CHD8: variants seen among roughly 807,000 people sequenced by gnomAD.
The protein encoded by CHD8 is ATP-dependent chromatin remodeler CHD8.
CHD8 carries 31 observed loss-of-function variants against 279.2 expected under a neutral mutation model. That is an observed-to-expected ratio of 0.11 (90% CI 0.08 to 0.15). The LOEUF is 0.15. CHD8 is among the 10% of genes least tolerant of loss of function. The pLI is 1.00. For synonymous variants in CHD8, 1,081 were observed against 1,139.6 expected, an observed-to-expected ratio of 0.95 and a Z score of 1.04; for missense variants, 2,146 against 3,230.5, an observed-to-expected ratio of 0.66 and a Z score of 8.14.
chr14:21,422,951 G>A (rs1889116082), intron 5 of CHD8, among the ~76,000 whole-genome samples: 1 of 152,040 alleles, frequency 6.6e-6, no homozygotes, highest in Non-Finnish European at 1.5e-5. Context: ...GGCCAGGCAC[G>A]TGGCTCACGC....
Position 21,408,918 on chromosome 14 carries a change from A to G in CHD8, c.2365-93T>C. The G allele has an allele frequency of 2.3e-6, 3 of 1,279,376 alleles. No homozygotes were observed. The South Asian group carries it at 4.3e-5, about 18-fold the overall frequency. The allele number at this position is 1,279,376 out of a possible 1,614,324, so 79.3% of individuals were successfully genotyped here. On this transcript the variant is annotated intron_variant, in intron 11 of 37. Coordinates refer to ENST00000646647, the MANE Select transcript of CHD8 (RefSeq NM_001170629.2). The surrounding 1 kb of genome is among the most constrained non-coding windows in gnomAD (Gnocchi z 4.3). ...TTCTAATAGTTAAAATCAATTCAAAACAACATTGTTTGGATTAAAACATGT... is the reference window on the plus strand; with the variant it reads ...TTCTAATAGTTAAAATCAATTCAAAGCAACATTGTTTGGATTAAAACATGT...
chr14:21,434,752 T>A (rs1295644155), intron 1 of CHD8, among the ~76,000 whole-genome samples: 3 of 152,152 alleles, frequency 2.0e-5, no homozygotes, highest in African/African-American at 7.2e-5. Context: ...TTATGCTAGT[T>A]TCCTACTTCT....
intron 1 of CHD8, among the ~76,000 whole-genome samples, chr14:21,435,485 T>A (rs1234947697): frequency 6.6e-6 from 1 of 152,226 alleles, no homozygotes; most frequent in Non-Finnish European, 1.5e-5. Context: ...CCCAACTCTC[T>A]CATTCTTATT....
chr14:21,398,234 T>C, intron 26 of CHD8: 1 of 171,884 alleles, frequency 5.8e-6, no homozygotes, highest in Non-Finnish European at 1.2e-5. Flanking sequence ...GTTTTATTTA[T>C]TTTTATTTAT....
chr14:21,390,096 C>T (rs561473734), intron 37 of CHD8, among the ~76,000 whole-genome samples: 30 of 152,100 alleles, frequency 2.0e-4, no homozygotes, highest in Admixed American at 6.5e-4. Flanking sequence ...ATTAGCCTGG[C>T]CTGGTGGTGC....
intron 10 of CHD8, among the ~76,000 whole-genome samples, chr14:21,411,283 C>A (rs1435077562): frequency 1.3e-5 from 2 of 152,162 alleles, no homozygotes; most frequent in Non-Finnish European, 2.9e-5. Flanking sequence ...ACACACAATA[C>A]TACCACCCCA....
chr14:21,450,646 A>G (rs948211861), intron 1 of CHD8, among the ~76,000 whole-genome samples: 3 of 152,048 alleles, frequency 2.0e-5, no homozygotes, highest in Non-Finnish European at 4.4e-5. Flanking sequence ...AAACACAGTA[A>G]GATCCTGTCT....
intron 5 of CHD8, among the ~76,000 whole-genome samples, chr14:21,421,312 C>CT (rs377367612): frequency 7.9e-5 from 12 of 151,648 alleles, no homozygotes; most frequent in Non-Finnish European, 1.5e-4. Context: ...CTACATACAC[C>CT]TTTTTTCATT....
chr14:21,408,166 C>T lies in CHD8; in HGVS notation c.2730+146G>A, dbSNP rs1031015391. 13 of 960,404 alleles carry T rather than the reference C, an allele frequency of 1.4e-5. No individual in the cohort carries two copies. Among genetic ancestry groups the T allele is most frequent in the African/African-American group, 4.9e-5 (3 of 61,150 alleles). 59.5% of individuals were successfully genotyped at this position (960,404 alleles called of 1,614,324 possible). ...AAAAAATGCCCTGCACACTGCTATA[C>T]AAAAATGCCTTAAACCATAGGCATT... On this transcript the variant is annotated intron_variant, in intron 13 of 37. Coordinates refer to ENST00000646647, the MANE Select transcript of CHD8 (RefSeq NM_001170629.2). This position sits in a 1 kb window ranked among gnomAD's most constrained non-coding sequence, Gnocchi z 4.3.
At chr14:21,390,768 CAAAAAA>C (rs34364818) in intron 37 of CHD8, among the ~76,000 whole-genome samples, 173 bp downstream of exon 37, 1 of 136,470 alleles carries the variant, frequency 7.3e-6, no homozygotes, top group Non-Finnish European at 1.6e-5. Context: ...GACTCCGTCT[CAAAAAA>C]AAAAAAAAAA....
chr14:21,434,585 T>C (rs1323535075), intron 1 of CHD8, among the ~76,000 whole-genome samples: 1 of 152,114 alleles, frequency 6.6e-6, no homozygotes, highest in Non-Finnish European at 1.5e-5. Context: ...TAAAGATCAA[T>C]GCATTGTCAT....
At position 21,393,747 on chromosome 14, in the gene CHD8, G is replaced by C; in HGVS notation, c.6048C>G (p.Val2016=). 1 of 1,613,910 alleles carries C rather than the reference G, an allele frequency of 6.2e-7. No individual in the cohort carries two copies. Among genetic ancestry groups the C allele is most frequent in the Non-Finnish European group, 8.5e-7 (1 of 1,179,852 alleles). The change falls in exon 32 of 38, where the codon GTC becomes GTG. Residue 2016 remains valine, a synonymous_variant. Transcript: ENST00000646647. ...EKSPEETATQ[V]PSLESLTLKL... ...TTAAAGTCAGACTCTCCAGACTGGG[G>C]ACCTGGGTAGCTGTCTCCTCGGGTG...
At chr14:21,437,705 C>T (rs755644408) in intron 1 of CHD8, among the ~76,000 whole-genome samples, 83 of 152,198 alleles carry the variant, frequency 5.5e-4, no homozygotes, top group Non-Finnish European at 8.5e-4. Flanking sequence ...GCCAAATCTT[C>T]TTCCCTCCAT....
chr14:21,452,319 T>C (rs1890276001), intron 1 of CHD8, among the ~76,000 whole-genome samples: 1 of 149,890 alleles, frequency 6.7e-6, no homozygotes, highest in South Asian at 2.2e-4. Context: ...CCAGCCAGAA[T>C]GCAATAAATG....
In CHD8 at chr14:21,402,756, T is replaced by G. The variant is rs1888093112; in HGVS notation, c.3715-253A>C. Among the ~76,000 whole-genome samples, 1 of 152,188 alleles carries G rather than the reference T, an allele frequency of 6.6e-6. No homozygotes were observed. Among genetic ancestry groups the G allele is most frequent in the East Asian group, 1.9e-4 (1 of 5,194 alleles). The stretch of plus-strand genomic sequence containing the variant: ...GGACACAGGTGGGACCACCCACTCA[T>G]TTACATATTATCTATGGCTGTTTTT... On this transcript the variant is annotated intron_variant, in intron 18 of 37. Transcript: ENST00000646647. The surrounding 1 kb of genome is among the most constrained non-coding windows in gnomAD (Gnocchi z 4.5).
chr14:21,409,800 A>T (rs980331866), intron 11 of CHD8, 51 bp downstream of exon 11: 7 of 1,524,080 alleles, frequency 4.6e-6, no homozygotes, highest in Admixed American at 2.2e-5. Context: ...AGGGGAAAAA[A>T]TTTAATCATT....
At chr14:21,409,578 A>C (rs1594352516) in intron 11 of CHD8, among the ~76,000 whole-genome samples, 1 of 152,304 alleles carries the variant, frequency 6.6e-6, no homozygotes, top group South Asian at 2.1e-4. Flanking sequence ...TTAGGCAAAA[A>C]CACTGTAATA....
chr14:21,398,150 TTAAC>T, intron 26 of CHD8, 198 bp from the exon 27 acceptor site: 1 of 398,720 alleles, frequency 2.5e-6, no homozygotes, highest in Non-Finnish European at 4.3e-6. Flanking sequence ...TGAAGAGTTT[TTAAC>T]TAGTGACTGA....
intron 14 of CHD8, among the ~76,000 whole-genome samples, chr14:21,406,081 T>C (rs919066970): frequency 5.9e-5 from 9 of 152,184 alleles, no homozygotes; most frequent in African/African-American, 9.7e-5. Context: ...CATTAATGTA[T>C]TGAAATAACA....
Sources: allele counts gnomAD v4.1 joint callset (sites outside exome capture counted in the v4.1 genomes callset), GRCh38; gene constraint gnomAD v4.1.1; non-coding constraint Gnocchi (gnomAD v3.1); transcripts MANE v1.5; gene names NCBI Gene and HGNC (gene_info 2026-07-23, HGNC 2026-07-21).